The following ESYT3 variants were observed in gnomAD, a reference collection of about 807,000 sequenced individuals.
ESYT3 encodes the protein extended synaptotagmin-3.
In ESYT3, 101 loss-of-function variants were observed where a neutral mutation model predicts 111.5. The observed-to-expected ratio is 0.91, with a 90% CI of 0.77 to 1.07. The LOEUF (loss-of-function observed/expected upper bound fraction) is 1.07. ESYT3 is among the 50% of genes least tolerant of loss of function. ESYT3 has a pLI of 0.00. For synonymous variants in ESYT3, 416 were observed against 446.8 expected (o/e 0.93, Z 0.87); for missense variants, 1,097 against 1,109.4 (o/e 0.99, Z 0.16).
At position 138,467,465 on chromosome 3, in the gene ESYT3, T is replaced by C. The variant is rs530204621; in HGVS notation, c.1170-96T>C. 2.4e-6 allele frequency: 3 copies of C among 1,246,310 alleles called. No homozygotes were observed. The South Asian group carries it at 3.6e-5, about 15-fold the overall frequency. The allele number at this position is 1,246,310 out of a possible 1,614,324, so 77.2% of individuals were successfully genotyped here. On this transcript the variant is annotated intron_variant, in intron 10 of 22. Coordinates refer to ENST00000389567, the MANE Select transcript of ESYT3 (RefSeq NM_031913.5). ...AGATCCTCTGTCTTAATGGCCGCAC[T>C]CAGATATCTGAAAACAGAGTCCAGT...
chr3:138,473,145 G>C, intron 18 of ESYT3: 1 of 1,335,796 alleles, frequency 7.5e-7, no homozygotes. Flanking sequence ...GACATGGAAA[G>C]CTTAATATGT....
intron 11 of ESYT3, 52 bp from the exon 12 acceptor site, chr3:138,468,053 C>A (rs2033019638): frequency 2.1e-5 from 33 of 1,543,440 alleles, no homozygotes; most frequent in Non-Finnish European, 3.0e-5. Flanking sequence ...CAGAGAGCAT[C>A]AGTAGCATCT....
Position 138,435,211 on chromosome 3 carries a change from G to T in ESYT3, c.327+86G>T. 1 of 1,323,544 alleles carries T rather than the reference G, an allele frequency of 7.6e-7. No homozygotes were observed. The highest frequency in any genetic ancestry group is 1.5e-5 in the South Asian group (1 of 67,746). 82.0% of individuals were successfully genotyped at this position (1,323,544 alleles called of 1,614,324 possible). A position where few individuals can be genotyped will look rare whatever the true frequency, so the allele number is the denominator to read the frequency against. On this transcript the variant is annotated intron_variant, in intron 1 of 22. Transcript: ENST00000389567. This position sits in a 1 kb window ranked among gnomAD's most constrained non-coding sequence, Gnocchi z 4.8. ...TGCGGTCAGCGGGGAGCTGGTGCGC[G>T]CAAACCCGAGGCAGGGCGGGAGCCC... is the stretch of plus-strand genomic sequence containing the variant.
chr3:138,473,242 C>T (rs2033324091), intron 18 of ESYT3: 12 of 810,572 alleles, frequency 1.5e-5, no homozygotes, highest in Non-Finnish European at 1.9e-5. Flanking sequence ...TTCACAATAA[C>T]CCTACAAGAT....
chr3:138,474,183 C>CTT (rs750997203), intron 19 of ESYT3, 38 bp from the exon 20 acceptor site: 260 of 1,219,672 alleles, frequency 2.1e-4, no homozygotes, highest in African/African-American at 2.0e-3. Context: ...AACCAGGGCC[C>CTT]TTTTTTTTTT....
intron 9 of ESYT3, among the ~76,000 whole-genome samples, chr3:138,465,069 C>T (rs765614111): frequency 3.3e-5 from 5 of 152,212 alleles, no homozygotes; most frequent in East Asian, 1.9e-4. Flanking sequence ...GAGAATGTAA[C>T]GAACAGGTGC....
At position 138,462,186 on chromosome 3, in the gene ESYT3, C is replaced by A. The variant is rs145754623; in HGVS notation, c.895C>A (p.Leu299Met). 45 of 1,614,234 alleles carry A rather than the reference C, an allele frequency of 2.8e-5. No homozygotes were observed. The African/African-American group carries it at 5.2e-4, about 19-fold the overall frequency. Reference sequence around the variant, plus strand: ...GAAGAAGGGGCTGGATCTGACCAACCTGCGCTTCCCTCTGCCCTGTGTGAG... The same window carrying A: ...GAAGAAGGGGCTGGATCTGACCAACATGCGCTTCCCTCTGCCCTGTGTGAG... ...PVKKGLDLTN[L>M]RFPLPCGVIR... Residue 299 changes from leucine to methionine, a missense_variant, in exon 8 of 23, where the codon CTG becomes ATG. By Grantham distance (15) the Leu-to-Met change is conservative. Coordinates refer to ENST00000389567, the MANE Select transcript of ESYT3 (RefSeq NM_031913.5).
In ESYT3 at chr3:138,472,461, G is replaced by C; in HGVS notation, c.1839G>C (p.Gln613His). The change falls in exon 18 of 23, where the codon CAG becomes CAC. Residue 613 changes from glutamine (Q) to histidine (H), a missense_variant. Transcript: ENST00000389567. ...PLLIKKVATN[Q>H]GPKAQPQEEG... is the part of the protein sequence containing the mutation. ...TCATCAAGAAAGTGGCTACCAACCAGGGTCCCAAAGCCCAACCTCAGGAAG... is the reference window on the plus strand; with the variant it reads ...TCATCAAGAAAGTGGCTACCAACCACGGTCCCAAAGCCCAACCTCAGGAAG... 6.2e-7 allele frequency: 1 copy of C among 1,614,184 alleles called. No individual in the cohort carries two copies. Among genetic ancestry groups the C allele is most frequent in the African/African-American group, 1.3e-5 (1 of 75,060 alleles).
Position 138,474,300 on chromosome 3 carries a change from C to G in ESYT3, c.2416C>G (p.Arg806Gly). 1.9e-6 allele frequency: 3 copies of G among 1,606,800 alleles called. No homozygotes were observed. Among genetic ancestry groups the G allele is most frequent in the Non-Finnish European group, 2.5e-6 (3 of 1,178,284 alleles). ...GTTGCCAGAAAGGAAGTGGGCATGTCGTAAGAAGACTTCAGTGAAGCGGAA... is the reference window on the plus strand; with the variant it reads ...GTTGCCAGAAAGGAAGTGGGCATGTGGTAAGAAGACTTCAGTGAAGCGGAA... ...YLLPERKWAC[R>G]KKTSVKRKTL... The change falls in exon 20 of 23, where the codon CGT becomes GGT. Residue 806 changes from arginine (R) to glycine (G), a missense_variant. By Grantham distance (125) the Arg-to-Gly change is moderately radical. Coordinates refer to ENST00000389567, the MANE Select transcript of ESYT3 (RefSeq NM_031913.5).
chr3:138,443,272 C>T (rs2031289647), intron 1 of ESYT3, among the ~76,000 whole-genome samples: 1 of 152,132 alleles, frequency 6.6e-6, no homozygotes, highest in African/African-American at 2.4e-5. Flanking sequence ...CAATTGTTTC[C>T]CTCAAAGTAC....
chr3:138,434,918 G>A lies in ESYT3; in HGVS notation c.120G>A (p.Val40=), dbSNP rs375083057. 14 of 1,551,692 alleles carry A rather than the reference G, an allele frequency of 9.0e-6. No homozygotes were observed. The African/African-American group carries it at 1.6e-4, about 18-fold the overall frequency. ...TGCCCGAGCTCTGTACCTTCGTGGTGCGCGTGCTGTTCTACCTGGGGCCTG... is the reference window on the plus strand; with the variant it reads ...TGCCCGAGCTCTGTACCTTCGTGGTACGCGTGCTGTTCTACCTGGGGCCTG... ...QLLPELCTFV[V]RVLFYLGPVY... Residue 40 remains valine (V), a synonymous_variant, in exon 1 of 23, where the codon GTG becomes GTA. Coordinates refer to ENST00000389567, the MANE Select transcript of ESYT3 (RefSeq NM_031913.5).
At chr3:138,448,704 G>A (rs1441272973) in intron 1 of ESYT3, among the ~76,000 whole-genome samples, 1 of 152,214 alleles carries the variant, frequency 6.6e-6, no homozygotes, top group East Asian at 1.9e-4. Flanking sequence ...ATCTGTCGAT[G>A]TCAAAATGGG....
At chr3:138,452,144 C>T in intron 2 of ESYT3, 55 bp downstream of exon 2, 1 of 1,565,320 alleles carries the variant, frequency 6.4e-7, no homozygotes, top group South Asian at 1.1e-5. Context: ...CTCGTCCTCC[C>T]CGCGGCTGTC....
chr3:138,444,795 T>A (rs1451314623), intron 1 of ESYT3, among the ~76,000 whole-genome samples: 1 of 152,222 alleles, frequency 6.6e-6, no homozygotes, highest in South Asian at 2.1e-4. Flanking sequence ...ATTCCCTTTA[T>A]AAAGGAGTTG....
At position 138,477,404 on chromosome 3, in the gene ESYT3, G is replaced by A. The variant is rs1227392669; in HGVS notation, c.*550G>A. 1 of 152,482 alleles carries A rather than the reference G, an allele frequency of 6.6e-6. No individual in the cohort carries two copies. The highest frequency in any genetic ancestry group is 2.4e-5 in the African/African-American group (1 of 41,438). 9.4% of individuals were successfully genotyped at this position (152,482 alleles called of 1,614,324 possible). A position where few individuals can be genotyped will look rare whatever the true frequency, so the allele number is the denominator to read the frequency against. On this transcript the variant is annotated 3_prime_UTR_variant, in exon 23 of 23. Transcript: ENST00000389567. ...CTTCTGGCTGCCACCTGTGGTACTTGTATGCCTGGATATTTGTTCTTTTAT... is the reference window on the plus strand; with the variant it reads ...CTTCTGGCTGCCACCTGTGGTACTTATATGCCTGGATATTTGTTCTTTTAT...
intron 3 of ESYT3, 48 bp from the exon 4 acceptor site, chr3:138,457,520 C>A: frequency 1.3e-6 from 2 of 1,570,222 alleles, no homozygotes; most frequent in Admixed American, 3.3e-5. Context: ...GGCAGCTGTC[C>A]CCTGCTACAA....
intron 3 of ESYT3, among the ~76,000 whole-genome samples, chr3:138,456,541 A>G (rs975256610): frequency 2.6e-5 from 4 of 151,774 alleles, no homozygotes; most frequent in South Asian, 2.1e-4. Context: ...GAGGTCCCCA[A>G]CTCTCGGTAC....
chr3:138,467,761 G>C (rs1397281577), intron 11 of ESYT3, 152 bp downstream of exon 11: 8 of 725,870 alleles, frequency 1.1e-5, no homozygotes, highest in African/African-American at 1.8e-5. Context: ...GTGAGGCACA[G>C]ATGGCTCCAG....
At chr3:138,453,400 T>C (rs1465980520) in intron 2 of ESYT3, among the ~76,000 whole-genome samples, 2 of 152,094 alleles carry the variant, frequency 1.3e-5, no homozygotes, top group African/African-American at 4.8e-5. Flanking sequence ...TAACAAGCTT[T>C]AAACTCAGGA....
Sources: gnomAD v4.1 joint callset for allele counts (sites outside exome capture counted in the v4.1 genomes callset) on GRCh38, gnomAD v4.1.1 for gene constraint, Gnocchi (gnomAD v3.1) non-coding constraint, MANE v1.5 for transcripts, NCBI Gene and HGNC (gene_info 2026-07-23, HGNC 2026-07-21) for gene names.